C1orf21: variants seen among roughly 807,000 people sequenced by gnomAD.
C1orf21 encodes the protein uncharacterized protein C1orf21.
A neutral mutation model predicts 18.7 loss-of-function variants in C1orf21; 3 were observed. The ratio of observed to expected loss-of-function variants is 0.16; its 90% CI spans 0.07 to 0.42. The LOEUF is 0.42. C1orf21 is among the 10% of genes least tolerant of loss of function. The probability of loss-of-function intolerance (pLI) is 0.99; values close to 1 mark genes in which losing one functional copy is unlikely to be tolerated. For synonymous variants in C1orf21, 41 were observed against 46.4 expected, an observed-to-expected ratio of 0.88 and a Z score of 0.47; for missense variants, 104 against 143.6, an observed-to-expected ratio of 0.72 and a Z score of 1.41.
chr1:184,537,041 C>T (rs747614458), intron 3 of C1orf21, among the ~76,000 whole-genome samples: 5 of 151,998 alleles, frequency 3.3e-5, no homozygotes, highest in Non-Finnish European at 5.9e-5. Flanking sequence ...AGGTTATATA[C>T]GGGCTATGCA....
At chr1:184,456,285 C>A (rs1443810720) in intron 1 of C1orf21, among the ~76,000 whole-genome samples, 1 of 152,152 alleles carries the variant, frequency 6.6e-6, no homozygotes, top group Non-Finnish European at 1.5e-5. Context: ...CTTGAATCAA[C>A]TCTATGCTTA....
intron 3 of C1orf21, among the ~76,000 whole-genome samples, chr1:184,575,767 TCTC>T (rs1340748924): frequency 2.6e-5 from 4 of 152,206 alleles, no homozygotes; most frequent in Non-Finnish European, 5.9e-5. Context: ...TGGCTTCTCT[TCTC>T]CTAGCAAACC....
intron 2 of C1orf21, among the ~76,000 whole-genome samples, chr1:184,500,394 A>G (rs1041639292): frequency 2.0e-5 from 3 of 152,324 alleles, no homozygotes; most frequent in Non-Finnish European, 4.4e-5. Flanking sequence ...CCTCTTAATT[A>G]TTAAAGGTGC....
At chr1:184,601,113 AAG>A (rs960795617) in intron 5 of C1orf21, among the ~76,000 whole-genome samples, 1 of 152,226 alleles carries the variant, frequency 6.6e-6, no homozygotes, top group Non-Finnish European at 1.5e-5. Flanking sequence ...TAAAAACAAA[AAG>A]AAGATTAAAC....
At chr1:184,402,146 G>C (rs1268533975) in intron 1 of C1orf21, among the ~76,000 whole-genome samples, 1 of 152,106 alleles carries the variant, frequency 6.6e-6, no homozygotes, top group Non-Finnish European at 1.5e-5. Context: ...TGAAAATTTA[G>C]TTCCTCGGTC....
chr1:184,527,348 G>A (rs1401377118), intron 3 of C1orf21, among the ~76,000 whole-genome samples: 3 of 152,104 alleles, frequency 2.0e-5, no homozygotes, highest in African/African-American at 7.2e-5. Flanking sequence ...TTCATAGTCT[G>A]GAAGAAACAG....
rs569759697 is a variant in C1orf21 at position 184,521,204 on chromosome 1, C to G, written c.189+13522C>G. 4.6e-5 allele frequency among the ~76,000 whole-genome samples: 7 copies of G among 152,104 alleles called. No homozygotes were observed. In the South Asian group the frequency reaches 1.5e-3, roughly 32 times the overall value. On this transcript the variant is annotated intron_variant, in intron 3 of 5. Coordinates refer to ENST00000235307, the MANE Select transcript of C1orf21 (RefSeq NM_030806.4). ...GCACCCGGCCAATATAATTTTTTTT[C>G]TAAACAAAATAGATCTGAATTTCTT...
In C1orf21 at chr1:184,507,829, C is replaced by G. The variant is rs192953504; in HGVS notation, c.189+147C>G. ...ATTTATAGCTTGCCTGGAAGCTGCACCATTACTCCTGTATCCTGTTTGTCT... is the reference window on the plus strand; with the variant it reads ...ATTTATAGCTTGCCTGGAAGCTGCAGCATTACTCCTGTATCCTGTTTGTCT... On this transcript the variant is annotated intron_variant, in intron 3 of 5. Transcript: ENST00000235307. 1.4e-5 allele frequency: 9 copies of G among 623,992 alleles called. No homozygotes were observed. In the East Asian group the frequency reaches 2.4e-4, roughly 17 times the overall value. The allele number at this position is 623,992 out of a possible 1,614,324, so 38.7% of individuals were successfully genotyped here. A position where few individuals can be genotyped will look rare whatever the true frequency, so the allele number is the denominator to read the frequency against.
chr1:184,391,557 G>T (rs1294394737), intron 1 of C1orf21, among the ~76,000 whole-genome samples: 1 of 152,160 alleles, frequency 6.6e-6, no homozygotes, highest in African/African-American at 2.4e-5. Context: ...TTTCCTTGGA[G>T]AAATACATTA....
intron 3 of C1orf21, among the ~76,000 whole-genome samples, chr1:184,515,366 A>C (rs1260649785): frequency 6.6e-6 from 1 of 152,226 alleles, no homozygotes; most frequent in East Asian, 1.9e-4. Context: ...ATCTGCAAGT[A>C]GAATTATGAC....
intron 1 of C1orf21, among the ~76,000 whole-genome samples, chr1:184,460,626 T>A (rs74131684): frequency 1.3e-4 from 3 of 23,614 alleles, no homozygotes; most frequent in Admixed American, 1.1e-3. Flanking sequence ...CGTCGTCTTC[T>A]TCTTCTTCTT....
chr1:184,593,922 C>T lies in C1orf21; in HGVS notation c.266+3107C>T, dbSNP rs1445042780. 5.3e-5 allele frequency among the ~76,000 whole-genome samples: 8 copies of T among 152,188 alleles called. No individual in the cohort carries two copies. The South Asian group carries it at 1.7e-3, about 32-fold the overall frequency. ...ACGCACTCTATAAAGTTAAAAACAACTGAAATAATCTGTCTTTTAAAGGCA... is the reference window on the plus strand; with the variant it reads ...ACGCACTCTATAAAGTTAAAAACAATTGAAATAATCTGTCTTTTAAAGGCA... On this transcript the variant is annotated intron_variant, in intron 4 of 5. Coordinates refer to ENST00000235307, the MANE Select transcript of C1orf21 (RefSeq NM_030806.4).
At chr1:184,519,920 G>A (rs1658282411) in intron 3 of C1orf21, among the ~76,000 whole-genome samples, 1 of 152,108 alleles carries the variant, frequency 6.6e-6, no homozygotes, top group African/African-American at 2.4e-5. Context: ...GTTTTTGGTA[G>A]TTCTGAAAAT....
intron 2 of C1orf21, among the ~76,000 whole-genome samples, chr1:184,503,416 G>A (rs1165318271): frequency 3.9e-5 from 6 of 151,900 alleles, no homozygotes; most frequent in Non-Finnish European, 7.4e-5. Flanking sequence ...GTTATCTGTG[G>A]TCAGTCAAGT....
At chr1:184,561,915 G>C (rs761036507) in intron 3 of C1orf21, among the ~76,000 whole-genome samples, 2 of 152,106 alleles carry the variant, frequency 1.3e-5, no homozygotes, top group South Asian at 4.2e-4. Flanking sequence ...TTAAAAACAT[G>C]TTCCTTTGGG....
intron 1 of C1orf21, among the ~76,000 whole-genome samples, chr1:184,475,734 G>GGTGTGTGT (rs10553261): frequency 2.0e-4 from 28 of 138,080 alleles, no homozygotes; most frequent in Non-Finnish European, 2.7e-4. Context: ...AATGGAATAG[G>GGTGTGTGT]GTGTGTGTGT....
At chr1:184,391,756 A>G (rs1353146118) in intron 1 of C1orf21, among the ~76,000 whole-genome samples, 2 of 151,568 alleles carry the variant, frequency 1.3e-5, no homozygotes, top group Non-Finnish European at 2.9e-5. Context: ...TCCGTCACCC[A>G]AGCTGGAGTG....
chr1:184,449,282 G>A (rs1430355678), intron 1 of C1orf21, among the ~76,000 whole-genome samples: 1 of 146,226 alleles, frequency 6.8e-6, no homozygotes, highest in African/African-American at 2.5e-5. Context: ...TCCCACCTAT[G>A]AGTGACAACA....
chr1:184,424,178 C>G (rs1457189365), intron 1 of C1orf21, among the ~76,000 whole-genome samples: 2 of 152,030 alleles, frequency 1.3e-5, no homozygotes, highest in Non-Finnish European at 2.9e-5. Flanking sequence ...ATCATTTTTA[C>G]AAACCGTATC....
Sources: gnomAD v4.1 joint callset for allele counts (sites outside exome capture counted in the v4.1 genomes callset) on GRCh38, gnomAD v4.1.1 for gene constraint, MANE v1.5 for transcripts, NCBI Gene and HGNC (gene_info 2026-07-23, HGNC 2026-07-21) for gene names.